Variants in VWA2 observed in about 807,000 individuals in gnomAD.
VWA2 encodes the protein von Willebrand factor A domain containing 2, also known as von Willebrand factor A domain-containing protein 2.
In VWA2, 73 loss-of-function variants were observed where a neutral mutation model predicts 70.4. The ratio of observed to expected loss-of-function variants is 1.04; its 90% CI spans 0.86 to 1.26. The LOEUF is 1.26. Ranked by LOEUF, VWA2 falls within the 50% of genes most tolerant of loss-of-function variation. The probability of loss-of-function intolerance (pLI) is 0.00; values close to 1 mark genes in which losing one functional copy is unlikely to be tolerated. For missense variants in VWA2, 1,011 were observed against 998.5 expected (o/e 1.01, Z -0.17); for synonymous variants, 407 against 423.3 (o/e 0.96, Z 0.47).
intron 8 of VWA2, chr10:114,281,712 T>A (rs1320238582): frequency 7.1e-6 from 7 of 984,826 alleles, no homozygotes; most frequent in Non-Finnish European, 8.4e-6. Context: ...GGGGCGGGGC[T>A]GGGGCACTGC....
At chr10:114,242,451 T>C (rs2036989564) in intron 1 of VWA2, among the ~76,000 whole-genome samples, 1 of 152,166 alleles carries the variant, frequency 6.6e-6, no homozygotes, top group Non-Finnish European at 1.5e-5. Context: ...GATGCCTCTG[T>C]GTACCACGTG....
At chr10:114,258,523 A>C (rs1162118132) in intron 4 of VWA2, among the ~76,000 whole-genome samples, 1 of 152,236 alleles carries the variant, frequency 6.6e-6, no homozygotes, top group African/African-American at 2.4e-5. Context: ...CAAACCACCA[A>C]TTAAACAAAA....
chr10:114,261,949 G>C (rs545888840), intron 5 of VWA2, among the ~76,000 whole-genome samples: 5 of 152,052 alleles, frequency 3.3e-5, no homozygotes, highest in South Asian at 2.1e-4. Flanking sequence ...AGGCAAAGGT[G>C]GGGGGGCAGG....
At chr10:114,266,701 C>T (rs921230399) in intron 5 of VWA2, among the ~76,000 whole-genome samples, 1 of 152,160 alleles carries the variant, frequency 6.6e-6, no homozygotes, top group Non-Finnish European at 1.5e-5. Context: ...TGCTGGCTGC[C>T]CGGGCTTGCT....
chr10:114,251,861 G>T (rs1408670230), intron 2 of VWA2, among the ~76,000 whole-genome samples: 1 of 134,972 alleles, frequency 7.4e-6, no homozygotes, highest in Non-Finnish European at 1.5e-5. Context: ...TCTCCCTCTC[G>T]CCCAGGCTGG....
At position 114,269,351 on chromosome 10, in the gene VWA2, C is replaced by T. The variant is rs188939318; in HGVS notation, c.372-3389C>T. ...ATCCCAGCGCTTTGGGAGGCCAGGG[C>T]GGGCAGATCACCTGAGGTCAGGAGT... On this transcript the variant is annotated intron_variant, in intron 5 of 13. Coordinates refer to ENST00000392982, the MANE Select transcript of VWA2 (RefSeq NM_001272046.2). Among the ~76,000 whole-genome samples, 186 of 152,250 alleles carry T rather than the reference C, an allele frequency of 1.2e-3. 1 individual carries two copies. The highest frequency in any genetic ancestry group is 6.8e-3 in the Middle Eastern group (2 of 294).
rs1450316600 is a variant in VWA2 at position 114,272,801 on chromosome 10, G to A, written c.433G>A (p.Gly145Ser). The A allele has an allele frequency of 6.2e-7, 1 of 1,613,766 alleles. No homozygotes were observed. Among genetic ancestry groups the A allele is most frequent in the Non-Finnish European group, 8.5e-7 (1 of 1,179,944 alleles). The change falls in exon 6 of 14, where the codon GGC (glycine) becomes AGC (serine). Residue 145 changes from glycine to serine, a missense_variant. Gly to Ser is a moderately conservative substitution (Grantham distance 56, BLOSUM62 0). Transcript: ENST00000392982. ...CCTTCTGCACAGAGGGTTGCCTGGAGGCAGAAATGCTTCTGTGCCCCAGAT... is the reference window on the plus strand; with the variant it reads ...CCTTCTGCACAGAGGGTTGCCTGGAAGCAGAAATGCTTCTGTGCCCCAGAT... Reference protein sequence around the residue: ...KYLLHRGLPGGRNASVPQILI... With the variant: ...KYLLHRGLPGSRNASVPQILI...
intron 4 of VWA2, among the ~76,000 whole-genome samples, chr10:114,257,866 C>T (rs1444955258): frequency 2.0e-5 from 3 of 152,120 alleles, no homozygotes; most frequent in Non-Finnish European, 4.4e-5. Context: ...ACAGTCAGTG[C>T]CCATGAGAAG....
chr10:114,273,060 T>C, intron 6 of VWA2, 126 bp downstream of exon 6: 1 of 735,880 alleles, frequency 1.4e-6, no homozygotes, highest in South Asian at 3.1e-5. Flanking sequence ...TGTCTTTTCC[T>C]CACTTTGCCA....
chr10:114,277,866 G>T (rs1242673207), intron 6 of VWA2, 48 bp from the exon 7 acceptor site: 7 of 1,559,458 alleles, frequency 4.5e-6, no homozygotes, highest in East Asian at 4.6e-5. Flanking sequence ...GAGGGGGCAG[G>T]AGGAGGGTGG....
Position 114,253,650 on chromosome 10 carries a change from G to A in VWA2, c.53-1G>A, listed in dbSNP as rs2037255471. 6.2e-7 allele frequency: 1 copy of A among 1,611,414 alleles called. No homozygotes were observed. The highest frequency in any genetic ancestry group is 1.1e-5 in the South Asian group (1 of 90,940). ...GCTGCTTCTGGTGTTTTCTCTCCTA[G>A]TGCCCCCATCTCTCCCTCTCCAGGA... On this transcript the variant is annotated splice_acceptor_variant, in intron 2 of 13. Coordinates refer to ENST00000392982, the MANE Select transcript of VWA2 (RefSeq NM_001272046.2). LOFTEE classifies it high-confidence loss of function.
chr10:114,265,155 G>T (rs190445789), intron 5 of VWA2, among the ~76,000 whole-genome samples: 5 of 152,350 alleles, frequency 3.3e-5, no homozygotes, highest in African/African-American at 9.6e-5. Context: ...GTAAAGAATA[G>T]ATTTTGGACT....
At chr10:114,244,096 C>A (rs781463217) in intron 1 of VWA2, among the ~76,000 whole-genome samples, 1 of 152,222 alleles carries the variant, frequency 6.6e-6, no homozygotes, top group Non-Finnish European at 1.5e-5. Context: ...CCCTGGCTTG[C>A]AGATCACTCC....
At position 114,264,575 on chromosome 10, in the gene VWA2, G is replaced by A. The variant is rs2037520426; in HGVS notation, c.371+3280G>A. 2.6e-5 allele frequency among the ~76,000 whole-genome samples: 4 copies of A among 152,002 alleles called. 1 individual carries two copies. Among genetic ancestry groups the A allele is most frequent in the Admixed American group, 2.6e-4 (4 of 15,266 alleles). Reference sequence around the variant, plus strand: ...TGGGACTGTGGGTGCCCGCCACCACGCCCGGCTAATTTTTTTTGTATTTTT... The same window carrying A: ...TGGGACTGTGGGTGCCCGCCACCACACCCGGCTAATTTTTTTTGTATTTTT... On this transcript the variant is annotated intron_variant, in intron 5 of 13. Coordinates refer to ENST00000392982, the MANE Select transcript of VWA2 (RefSeq NM_001272046.2).
chr10:114,289,353 C>T lies in VWA2; in HGVS notation c.1986C>T (p.Val662=). 3 of 1,614,256 alleles carry T rather than the reference C, an allele frequency of 1.9e-6. 1 individual carries two copies. The highest frequency in any genetic ancestry group is 2.2e-5 in the South Asian group (2 of 91,090). The change falls in exon 12 of 14, where the codon GTC becomes GTT. Residue 662 remains valine, a synonymous_variant. Coordinates refer to ENST00000392982, the MANE Select transcript of VWA2 (RefSeq NM_001272046.2). ...AQKLRNNGIS[V]LVVGVGPVLS... The stretch of plus-strand genomic sequence containing the variant: ...AGCTGAGGAACAATGGCATCTCTGT[C>T]TTGGTCGTGGGCGTGGGGCCTGTCC...
rs151296834 is a variant in VWA2 at position 114,289,495 on chromosome 10, T to C, written c.2122+6T>C. 527 of 1,613,654 alleles carry C rather than the reference T, an allele frequency of 3.3e-4. No individual in the cohort carries two copies. The highest frequency in any genetic ancestry group is 4.9e-4 in the Middle Eastern group (3 of 6,084). Reference sequence around the variant, plus strand: ...CATTGAGTGGCTGTGTGGAGGTGAGTGGGGGAATCCACACCCTCAGGGCTG... The same window carrying C: ...CATTGAGTGGCTGTGTGGAGGTGAGCGGGGGAATCCACACCCTCAGGGCTG... On this transcript the variant is annotated splice_donor_region_variant and intron_variant, in intron 12 of 13. Transcript: ENST00000392982.
intron 6 of VWA2, among the ~76,000 whole-genome samples, chr10:114,275,992 T>C (rs1197059907): frequency 1.3e-5 from 2 of 152,208 alleles, no homozygotes; most frequent in Non-Finnish European, 2.9e-5. Context: ...CAAATGTTTA[T>C]TATTTGATTC....
intron 12 of VWA2, 159 bp downstream of exon 12, chr10:114,289,648 C>T (rs2039356105): frequency 2.6e-6 from 2 of 765,340 alleles, no homozygotes; most frequent in Admixed American, 2.6e-5. Flanking sequence ...CACATAAAAT[C>T]CTACAGTAGG....
At chr10:114,273,013 G>T in intron 6 of VWA2, 79 bp downstream of exon 6, 2 of 1,354,240 alleles carry the variant, frequency 1.5e-6, no homozygotes, top group Non-Finnish European at 2.0e-6. Context: ...AGGGAAGGGA[G>T]GGGACTGGAA....
Sources: gnomAD v4.1 joint callset for allele counts (sites outside exome capture counted in the v4.1 genomes callset) on GRCh38, gnomAD v4.1.1 for gene constraint, MANE v1.5 for transcripts, NCBI Gene and HGNC (gene_info 2026-07-23, HGNC 2026-07-21) for gene names.